Variants in CDKAL1 observed in about 807,000 individuals in gnomAD.
CDKAL1 encodes the protein threonylcarbamoyladenosine tRNA methylthiotransferase.
CDKAL1 carries 32 observed loss-of-function variants against 68.2 expected under a neutral mutation model. The ratio of observed to expected loss-of-function variants is 0.47; its 90% CI spans 0.35 to 0.63. CDKAL1 has a LOEUF of 0.63. CDKAL1 is among the 30% of genes least tolerant of loss of function. The probability of loss-of-function intolerance (pLI) is 0.00; values close to 1 mark genes in which losing one functional copy is unlikely to be tolerated. For missense variants in CDKAL1, 606 were observed against 696.7 expected (o/e 0.87, Z 1.47); for synonymous variants, 234 against 244.3 (o/e 0.96, Z 0.39).
chr6:20,831,381 A>G (rs191611937), intron 8 of CDKAL1, among the ~76,000 whole-genome samples: 2 of 151,564 alleles, frequency 1.3e-5, no homozygotes, highest in East Asian at 3.9e-4. Context: ...AATTCATTCA[A>G]CTTTTGAAGC....
intron 11 of CDKAL1, among the ~76,000 whole-genome samples, chr6:21,028,033 G>A (rs1769057563): frequency 6.6e-6 from 1 of 152,140 alleles, no homozygotes; most frequent in Non-Finnish European, 1.5e-5. Flanking sequence ...AGGAGTCAGA[G>A]AATCCAAGAA....
Position 21,065,070 on chromosome 6 carries a change from A to C in CDKAL1, c.1078A>C (p.Thr360Pro). The change falls in exon 12 of 16, where the codon ACA becomes CCA. Residue 360 changes from threonine (T) to proline (P), a missense_variant. Transcript: ENST00000274695. The part of the protein sequence containing the change: ...KEKVPGITIA[T>P]DIICGFPGET... ...TAGAGTTCCTGGAATAACTATTGCT[A>C]CAGATATTATCTGTGGTTTTCCTGG... 6.3e-7 allele frequency: 1 copy of C among 1,581,364 alleles called. No individual in the cohort carries two copies. Among genetic ancestry groups the C allele is most frequent in the Non-Finnish European group, 8.6e-7 (1 of 1,166,548 alleles).
intron 13 of CDKAL1, among the ~76,000 whole-genome samples, chr6:21,188,483 G>A (rs533842472): frequency 3.3e-5 from 5 of 152,298 alleles, no homozygotes; most frequent in African/African-American, 1.2e-4. Context: ...AGACCAGTGG[G>A]AATAGATCAA....
intron 4 of CDKAL1, among the ~76,000 whole-genome samples, chr6:20,555,460 A>G (rs761230739): frequency 2.6e-4 from 40 of 151,820 alleles, no homozygotes; most frequent in Non-Finnish European, 2.9e-4. Context: ...AGCTGGGATT[A>G]CAGGCATGCA....
rs147046741 is a variant in CDKAL1 at position 21,203,397 on chromosome 6, C to T, written c.1548+2123C>T. On this transcript the variant is annotated intron_variant, in intron 15 of 15. Coordinates refer to ENST00000274695, the MANE Select transcript of CDKAL1 (RefSeq NM_017774.3). The stretch of plus-strand genomic sequence containing the variant: ...AATTACAGGCATGTGCCACTACGCC[C>T]GGCTAATTTTTTATTTTTAGTAGAG... 1.1e-3 allele frequency among the ~76,000 whole-genome samples: 164 copies of T among 151,442 alleles called. 3 individuals are homozygous for T. The highest frequency in any genetic ancestry group is 3.6e-3 in the African/African-American group (148 of 41,314).
At chr6:20,812,259 G>C (rs1221401643) in intron 8 of CDKAL1, among the ~76,000 whole-genome samples, 2 of 152,094 alleles carry the variant, frequency 1.3e-5, no homozygotes, top group Non-Finnish European at 2.9e-5. Flanking sequence ...ATTATGGTTT[G>C]TTTTTGTTTT....
intron 15 of CDKAL1, 21 bp from the exon 16 acceptor site, chr6:21,230,827 C>T (rs1313972348): frequency 6.5e-7 from 1 of 1,549,406 alleles, no homozygotes; most frequent in Non-Finnish European, 8.8e-7. Context: ...ATAATTTTTT[C>T]CTCTGTTTCT....
intron 4 of CDKAL1, among the ~76,000 whole-genome samples, chr6:20,593,261 T>C (rs1765672210): frequency 6.6e-6 from 1 of 152,198 alleles, no homozygotes; most frequent in Non-Finnish European, 1.5e-5. Flanking sequence ...CTCCTCTTTG[T>C]ACCTCCAGTA....
intron 9 of CDKAL1, among the ~76,000 whole-genome samples, chr6:20,853,610 A>C (rs137877537): frequency 6.3e-4 from 96 of 152,352 alleles, no homozygotes; most frequent in African/African-American, 2.3e-3. Context: ...TAATGTTCTC[A>C]ATCTGGCCAT....
intron 12 of CDKAL1, among the ~76,000 whole-genome samples, chr6:21,097,407 G>T (rs376014109): frequency 6.6e-6 from 1 of 151,998 alleles, no homozygotes; most frequent in African/African-American, 2.4e-5. Context: ...GGCAGAGGTT[G>T]CAGTGAGCTG....
At chr6:20,710,875 A>G (rs1235536484) in intron 5 of CDKAL1, among the ~76,000 whole-genome samples, 1 of 152,218 alleles carries the variant, frequency 6.6e-6, no homozygotes, top group African/African-American at 2.4e-5. Flanking sequence ...ATACTGAATC[A>G]GGAATTGGAA....
intron 5 of CDKAL1, among the ~76,000 whole-genome samples, chr6:20,688,824 T>A (rs112435029): frequency 1.1e-3 from 166 of 152,350 alleles, no homozygotes; most frequent in African/African-American, 3.8e-3. Context: ...TCTTGCTATC[T>A]AGACACGAAG....
intron 5 of CDKAL1, among the ~76,000 whole-genome samples, chr6:20,649,734 A>G (rs778659645): frequency 1.3e-5 from 2 of 151,934 alleles, no homozygotes; most frequent in Non-Finnish European, 2.9e-5. Flanking sequence ...CCACCCCCTA[A>G]CAGGCCCAAC....
intron 12 of CDKAL1, among the ~76,000 whole-genome samples, chr6:21,085,342 A>G (rs1452310610): frequency 2.0e-5 from 3 of 152,318 alleles, no homozygotes; most frequent in African/African-American, 7.2e-5. Context: ...ACTACATGCA[A>G]GGAACTGTGC....
chr6:21,132,287 G>A (rs527986187), intron 13 of CDKAL1, among the ~76,000 whole-genome samples: 29 of 152,180 alleles, frequency 1.9e-4, no homozygotes, highest in Admixed American at 4.6e-4. Flanking sequence ...TGGTGTACAC[G>A]CGCAGTAGAT....
intron 9 of CDKAL1, among the ~76,000 whole-genome samples, chr6:20,950,979 A>AG (rs1764499609): frequency 6.6e-6 from 1 of 151,204 alleles, no homozygotes; most frequent in Non-Finnish European, 1.5e-5. Context: ...GAAAAAAAAA[A>AG]AAAGAAAAGA....
chr6:20,947,096 G>A (rs1288068546), intron 9 of CDKAL1, among the ~76,000 whole-genome samples: 1 of 148,496 alleles, frequency 6.7e-6, no homozygotes, highest in Non-Finnish European at 1.5e-5. Context: ...AGGAGTCAAT[G>A]AATGAATGAA....
intron 7 of CDKAL1, among the ~76,000 whole-genome samples, chr6:20,770,401 T>TA (rs1774890752): frequency 6.6e-6 from 1 of 152,232 alleles, no homozygotes; most frequent in African/African-American, 2.4e-5. Context: ...GTTTTTACTG[T>TA]CAAATGGTTA....
chr6:21,080,471 G>A (rs1243849362), intron 12 of CDKAL1, among the ~76,000 whole-genome samples: 3 of 152,186 alleles, frequency 2.0e-5, no homozygotes, highest in Non-Finnish European at 2.9e-5. Flanking sequence ...TACCACAGCC[G>A]AGAGTGTCAC....
Sources: allele counts gnomAD v4.1 joint callset (sites outside exome capture counted in the v4.1 genomes callset), GRCh38; gene constraint gnomAD v4.1.1; transcripts MANE v1.5; gene names NCBI Gene and HGNC (gene_info 2026-07-23, HGNC 2026-07-21).